The following PDZD4 variants were observed in gnomAD, a reference collection of about 807,000 sequenced individuals.
The protein encoded by PDZD4 is PDZ domain containing 4, also known as PDZ domain-containing protein 4.
A neutral mutation model predicts 38.5 loss-of-function variants in PDZD4; 9 were observed. The observed-to-expected ratio is 0.23, with a 90% confidence interval of 0.14 to 0.41. The LOEUF (loss-of-function observed/expected upper bound fraction) is 0.41, where lower values mean the gene tolerates loss of function less well. Ranked by LOEUF, PDZD4 falls within the 10% of genes least tolerant of loss-of-function variation. PDZD4 has a pLI of 1.00. For synonymous variants in PDZD4, 349 were observed against 315.7 expected (o/e 1.11, Z -1.12); for missense variants, 612 against 722.0 (o/e 0.85, Z 1.75).
At chrX:153,829,986 G>T in intron 1 of PDZD4, 2 of 763,792 alleles carry the variant, frequency 2.6e-6, no homozygotes, top group Non-Finnish European at 3.4e-6. Context: ...CCTCCATCCC[G>T]CGCCCGCCGC....
intron 2 of PDZD4, chrX:153,808,104 C>T: frequency 9.4e-7 from 1 of 1,066,788 alleles, no homozygotes; most frequent in East Asian, 3.5e-5. Flanking sequence ...GCACTTCCGG[C>T]AGCGACGTCC....
chrX:153,804,746 G>A lies in PDZD4; in HGVS notation c.935C>T (p.Thr312Ile). The change falls in exon 8 of 8, where the codon ACC (threonine) becomes ATC (isoleucine). Residue 312 changes from threonine to isoleucine, a missense_variant. By Grantham distance (89) the Thr-to-Ile change is moderately conservative. Around this residue, in one of 3 missense-constraint regions of PDZD4, gnomAD observed 225 missense variants for 311.0 expected, o/e 0.72. Transcript: ENST00000393758. ...DLLGDEPPSS[T>I]NTPGSLRKFG... Reference sequence around the variant, plus strand: ...CTTGCGCAGGCTTCCCGGGGTGTTGGTGGAGCTCGGGGGTTCGTCCCCCAG... The same window carrying A: ...CTTGCGCAGGCTTCCCGGGGTGTTGATGGAGCTCGGGGGTTCGTCCCCCAG... 1 of 1,211,372 alleles carries A rather than the reference G, an allele frequency of 8.3e-7. No homozygotes were observed. Among genetic ancestry groups the A allele is most frequent in the Non-Finnish European group, 1.1e-6 (1 of 895,592 alleles).
intron 1 of PDZD4, among the ~76,000 whole-genome samples, chrX:153,811,243 T>A (rs1445458891): frequency 2.7e-5 from 3 of 111,568 alleles, no homozygotes; most frequent in African/African-American, 9.8e-5. Flanking sequence ...TTCAAGTGAT[T>A]CTCCTGCCTC....
chrX:153,809,325 G>A (rs1175944361), intron 1 of PDZD4, among the ~76,000 whole-genome samples: 4 of 112,889 alleles, frequency 3.5e-5, no homozygotes, highest in Non-Finnish European at 7.5e-5. Flanking sequence ...GGTGGCTCAC[G>A]CCTGTAATCC....
intron 1 of PDZD4, among the ~76,000 whole-genome samples, chrX:153,811,117 G>T (rs1199314770): frequency 9.2e-6 from 1 of 109,194 alleles, no homozygotes; most frequent in African/African-American, 3.3e-5. Context: ...GGGACTACAG[G>T]TGTGTGCCAC....
chrX:153,810,331 G>A (rs946924899), intron 1 of PDZD4, among the ~76,000 whole-genome samples: 5 of 112,582 alleles, frequency 4.4e-5, no homozygotes, highest in African/African-American at 6.5e-5. Flanking sequence ...TGCACGCCTC[G>A]GTGGGAGGCG....
At chrX:153,807,630 A>C (rs2064265453) in intron 2 of PDZD4, among the ~76,000 whole-genome samples, 1 of 88,974 alleles carries the variant, frequency 1.1e-5, no homozygotes, top group African/African-American at 3.7e-5. Flanking sequence ...CCCGTCCCCC[A>C]GACCAGAACT....
At chrX:153,825,259 G>A (rs782712609) in intron 1 of PDZD4, among the ~76,000 whole-genome samples, 5 of 112,469 alleles carry the variant, frequency 4.4e-5, no homozygotes, top group African/African-American at 1.6e-4. Context: ...TAGGATGGGC[G>A]GGAGACCAGT....
At chrX:153,822,256 A>G (rs782183205) in intron 1 of PDZD4, among the ~76,000 whole-genome samples, 1 of 108,053 alleles carries the variant, frequency 9.3e-6, no homozygotes, top group East Asian at 2.9e-4. Context: ...AAAGCCAACC[A>G]CTTCCTGAAG....
chrX:153,814,218 A>G (rs2064336588), intron 1 of PDZD4, among the ~76,000 whole-genome samples: 1 of 111,620 alleles, frequency 9.0e-6, no homozygotes, highest in Admixed American at 9.5e-5. Context: ...TCACGCCTGT[A>G]ATCCCAGCAC....
In PDZD4 at chrX:153,803,815, G is replaced by A. The variant is rs1239920750; in HGVS notation, c.1866C>T (p.Ala622=). 2 of 1,197,328 alleles carry A rather than the reference G, an allele frequency of 1.7e-6. No individual in the cohort carries two copies. The highest frequency in any genetic ancestry group is 2.2e-6 in the Non-Finnish European group (2 of 890,343). The change falls in exon 8 of 8, where the codon GCC becomes GCT. Residue 622 remains alanine, a synonymous_variant. Transcript: ENST00000393758. ...GPRVGGVAAA[A]TEAPRMEWKV... ...TCCACTCCATGCGCGGTGCTTCAGT[G>A]GCCGCGGCCGCCACCCCGCCCACCC...
intron 1 of PDZD4, chrX:153,829,759 A>G: frequency 1.3e-6 from 1 of 755,057 alleles, no homozygotes; most frequent in Non-Finnish European, 1.6e-6. Flanking sequence ...CCGGGAGCCC[A>G]TCGTTCGGGC....
Position 153,806,146 on chromosome X carries a change from C to T in PDZD4, c.505-13G>A, listed in dbSNP as rs782570007. 48 of 1,209,159 alleles carry T rather than the reference C, an allele frequency of 4.0e-5. No homozygotes were observed. Among genetic ancestry groups the T allele is most frequent in the Admixed American group, 3.7e-4 (17 of 45,887 alleles). On this transcript the variant is annotated splice_polypyrimidine_tract_variant and intron_variant, in intron 4 of 7. Transcript: ENST00000393758. ...TGTTGGGATTTACCTGCAGGACACA[C>T]GCATCTTGGGGACTTGGTGCCTAAC... is the stretch of plus-strand genomic sequence containing the variant.
rs1322044386 is a variant in PDZD4, at chrX:153,830,515, T to G, written c.-217A>C. 4.5e-5 allele frequency: 13 copies of G among 287,549 alleles called. No individual in the cohort carries two copies. The highest frequency in any genetic ancestry group is 6.0e-5 in the African/African-American group (2 of 33,357). 23.7% of individuals were successfully genotyped at this position (287,549 alleles called of 1,213,427 possible). On this transcript the variant is annotated 5_prime_UTR_variant, in exon 1 of 8. Coordinates refer to ENST00000393758, the MANE Select transcript of PDZD4 (RefSeq NM_001303512.2). ...TGGCCGAGGCCAGGCGCGGGCATGCTCCCTCGCACCCGGCCAGGAGAAAAA... is the reference window on the plus strand; with the variant it reads ...TGGCCGAGGCCAGGCGCGGGCATGCGCCCTCGCACCCGGCCAGGAGAAAAA...
At chrX:153,817,017 G>A (rs1557080125) in intron 1 of PDZD4, among the ~76,000 whole-genome samples, 1 of 111,076 alleles carries the variant, frequency 9.0e-6, no homozygotes, top group Non-Finnish European at 1.9e-5. Flanking sequence ...CGGCCAGTAC[G>A]CACAGAGGAA....
At chrX:153,810,810 G>A (rs899044376) in intron 1 of PDZD4, among the ~76,000 whole-genome samples, 9 of 112,208 alleles carry the variant, frequency 8.0e-5, no homozygotes, top group South Asian at 7.3e-4. Flanking sequence ...CCTCAGCAGC[G>A]GCTCCTGCAT....
At chrX:153,829,865 C>G in intron 1 of PDZD4, 1 of 794,317 alleles carries the variant, frequency 1.3e-6, no homozygotes, top group Non-Finnish European at 1.5e-6. Context: ...CGCTCCAGGC[C>G]CGCCGGGATC....
At position 153,808,161 on chromosome X, in the gene PDZD4, C is replaced by T. The variant is rs1044396250; in HGVS notation, c.314+181G>A. Reference sequence around the variant, plus strand: ...GGCCCTGGGGGTAGATACAACGGGGCGCCTGCTGGAGCCCGGCCCAAGGCT... The same window carrying T: ...GGCCCTGGGGGTAGATACAACGGGGTGCCTGCTGGAGCCCGGCCCAAGGCT... On this transcript the variant is annotated intron_variant, in intron 2 of 7. Coordinates refer to ENST00000393758, the MANE Select transcript of PDZD4 (RefSeq NM_001303512.2). The T allele has an allele frequency of 9.3e-6, 10 of 1,072,973 alleles. No individual in the cohort carries two copies. The East Asian group carries it at 1.0e-4, about 11-fold the overall frequency. 88.4% of individuals were successfully genotyped at this position (1,072,973 alleles called of 1,213,427 possible).
chrX:153,808,227 G>C (rs1207544520), intron 2 of PDZD4, 115 bp downstream of exon 2: 75 of 1,079,294 alleles, frequency 6.9e-5, no homozygotes, highest in Admixed American at 1.4e-4. Flanking sequence ...ACCACGGTCA[G>C]TTCTGGAGGC....
Sources: gnomAD v4.1 joint callset for allele counts (sites outside exome capture counted in the v4.1 genomes callset) on GRCh38, gnomAD v4.1.1 for gene constraint, gnomAD v4.1.1 regional missense constraint, MANE v1.5 for transcripts, NCBI Gene and HGNC (gene_info 2026-07-23, HGNC 2026-07-21) for gene names.